Variants in TBC1D8B observed in about 807,000 individuals in gnomAD.
TBC1D8B encodes the protein TBC1 domain family member 8B.
In TBC1D8B, 75 loss-of-function variants were observed where a neutral mutation model predicts 82.9. That is an observed-to-expected ratio of 0.90 (90% CI 0.75 to 1.10). TBC1D8B has a LOEUF of 1.10. Ranked by LOEUF, TBC1D8B falls within the 50% of genes least tolerant of loss-of-function variation. The probability of loss-of-function intolerance (pLI) is 0.00; values close to 1 mark genes in which losing one functional copy is unlikely to be tolerated. For synonymous variants in TBC1D8B, 276 were observed against 276.8 expected (o/e 1.00, Z 0.03); for missense variants, 794 against 796.9 (o/e 1.00, Z 0.04).
chrX:106,861,222 T>C, intron 14 of TBC1D8B, among the ~76,000 whole-genome samples: 1 of 111,646 alleles, frequency 9.0e-6, no homozygotes. Context: ...AAAAGTTCTG[T>C]AGATATCTGT....
intron 1 of TBC1D8B, among the ~76,000 whole-genome samples, chrX:106,818,157 G>A (rs1416895446): frequency 9.0e-6 from 1 of 111,016 alleles, no homozygotes; most frequent in East Asian, 2.8e-4. Context: ...GTGTTTTACT[G>A]TGTGCTAAGC....
chrX:106,860,695 T>C lies in TBC1D8B; in HGVS notation c.2353-4864T>C, dbSNP rs1932766166. Among the ~76,000 whole-genome samples, 4 of 110,998 alleles carry C rather than the reference T, an allele frequency of 3.6e-5. No individual in the cohort carries two copies. In the South Asian group the frequency reaches 1.5e-3, roughly 42 times the overall value. Reference sequence around the variant, plus strand: ...AGCCAACTCATGGATTCATTGATCTTTTGTATGGGTTTTCATGTCTTGATT... The same window carrying C: ...AGCCAACTCATGGATTCATTGATCTCTTGTATGGGTTTTCATGTCTTGATT... On this transcript the variant is annotated intron_variant, in intron 14 of 20. Coordinates refer to ENST00000357242, the MANE Select transcript of TBC1D8B (RefSeq NM_017752.3).
intron 1 of TBC1D8B, 176 bp from the exon 2 acceptor site, chrX:106,818,487 G>T: frequency 3.0e-6 from 1 of 332,557 alleles, no homozygotes; most frequent in Admixed American, 5.5e-5. Context: ...ACTCACATTG[G>T]CATACTGTAA....
intron 7 of TBC1D8B, among the ~76,000 whole-genome samples, chrX:106,837,330 T>C (rs966943333): frequency 3.6e-5 from 4 of 111,905 alleles, no homozygotes; most frequent in African/African-American, 3.2e-5. Context: ...TATGAAGAAC[T>C]CTTACAACTA....
At chrX:106,873,020 T>A (rs1471054237) in intron 20 of TBC1D8B, among the ~76,000 whole-genome samples, 3 of 111,766 alleles carry the variant, frequency 2.7e-5, no homozygotes, top group Non-Finnish European at 5.6e-5. Context: ...AGGCAAACAG[T>A]CCAGGAATTA....
At chrX:106,821,116 G>A in intron 3 of TBC1D8B, 121 bp downstream of exon 3, 1 of 404,396 alleles carries the variant, frequency 2.5e-6, no homozygotes, top group Non-Finnish European at 4.3e-6. Flanking sequence ...TGGTAGAAAC[G>A]AACATATGAA....
intron 1 of TBC1D8B, among the ~76,000 whole-genome samples, chrX:106,811,781 T>C (rs1213832649): frequency 9.0e-6 from 1 of 111,712 alleles, no homozygotes; most frequent in Admixed American, 9.5e-5. Flanking sequence ...GGTGTATAGG[T>C]CTTGAAGAGT....
intron 20 of TBC1D8B, 21 bp downstream of exon 20, chrX:106,870,834 A>G (rs1047536593): frequency 4.5e-6 from 5 of 1,104,849 alleles, no homozygotes; most frequent in Non-Finnish European, 6.2e-6. Context: ...TTTAAAAAGA[A>G]AATTCTAAGT....
chrX:106,827,926 G>T (rs1029689295), intron 7 of TBC1D8B: 1 of 108,938 alleles, frequency 9.2e-6, no homozygotes, highest in African/African-American at 3.3e-5. Context: ...CAGAAGGCAA[G>T]AAATAACTAA....
At chrX:106,872,455 T>TTATATATATATATATATATATA (rs61326496) in intron 20 of TBC1D8B, among the ~76,000 whole-genome samples, 44 of 73,282 alleles carry the variant, frequency 6.0e-4, no homozygotes, top group African/African-American at 2.5e-3. Context: ...AGAAAAATAT[T>TTATATATATATATATATATATA]TATATATATA....
intron 7 of TBC1D8B, among the ~76,000 whole-genome samples, chrX:106,831,010 A>G (rs1309347486): frequency 9.0e-6 from 1 of 110,580 alleles, no homozygotes; most frequent in African/African-American, 3.3e-5. Flanking sequence ...GAGGATTTTG[A>G]TGTTTAATAT....
chrX:106,807,835 T>C (rs1037972006), intron 1 of TBC1D8B, among the ~76,000 whole-genome samples: 6 of 111,048 alleles, frequency 5.4e-5, no homozygotes, highest in African/African-American at 2.0e-4. Flanking sequence ...GGCGGATCAT[T>C]TGAGGTCAGG....
chrX:106,815,578 G>A (rs1243754065), intron 1 of TBC1D8B: 2 of 110,350 alleles, frequency 1.8e-5, no homozygotes, highest in African/African-American at 6.6e-5. Flanking sequence ...TTCCAATTCT[G>A]TGAAGAAAGT....
chrX:106,854,327 T>G, intron 14 of TBC1D8B, 31 bp downstream of exon 14: 1 of 993,090 alleles, frequency 1.0e-6, no homozygotes, highest in Non-Finnish European at 1.4e-6. Context: ...GAAAAACCAG[T>G]TGGAGTAATT....
intron 1 of TBC1D8B, among the ~76,000 whole-genome samples, chrX:106,803,435 G>C (rs1398589099): frequency 5.6e-5 from 2 of 35,656 alleles, no homozygotes; most frequent in Non-Finnish European, 1.0e-4. Flanking sequence ...ACGCGGGGAT[G>C]GTGAGGAGAA....
intron 1 of TBC1D8B, among the ~76,000 whole-genome samples, chrX:106,810,735 C>T (rs772047206): frequency 1.3e-4 from 15 of 111,957 alleles, no homozygotes; most frequent in Non-Finnish European, 2.1e-4. Flanking sequence ...AGGAAAATCA[C>T]GTAGAGCAAC....
At position 106,840,731 on chromosome X, in the gene TBC1D8B, A is replaced by G. The variant is rs1195294569; in HGVS notation, c.1566A>G (p.Leu522=). ...ATACTGAAGTGGTTGAGCAGTCCTT[A>G]GGGACCTGCAACTTGGCTACTGAAG... ...DYYTEVVEQS[L]GTCNLATEEI... The change falls in exon 10 of 21, where the codon TTA becomes TTG. Residue 522 remains leucine (L), a synonymous_variant. Coordinates refer to ENST00000357242, the MANE Select transcript of TBC1D8B (RefSeq NM_017752.3). The G allele has an allele frequency of 8.3e-7, 1 of 1,211,429 alleles. No individual in the cohort carries two copies. The highest frequency in any genetic ancestry group is 1.7e-5 in the African/African-American group (1 of 57,807).
chrX:106,824,558 G>T (rs1465203876), intron 5 of TBC1D8B, among the ~76,000 whole-genome samples: 2 of 111,380 alleles, frequency 1.8e-5, no homozygotes, highest in Non-Finnish European at 3.8e-5. Context: ...AATCCTGTTT[G>T]TATTATATTA....
In TBC1D8B at chrX:106,848,301, T is replaced by C. The variant is rs1354799728; in HGVS notation, c.1835T>C (p.Ile612Thr). 5.2e-6 allele frequency: 6 copies of C among 1,164,926 alleles called. No homozygotes were observed. The African/African-American group carries it at 5.3e-5, about 10-fold the overall frequency. ...MLPDYFNRRIIGALVDQAVFE... is the reference protein window; with the variant it reads ...MLPDYFNRRITGALVDQAVFE... ...CCTGATTATTTTAATCGTCGAATTA[T>C]TGGTAAAAGAAAAACCACACACACA... Residue 612 changes from isoleucine (I) to threonine (T), a missense_variant and splice_region_variant, in exon 11 of 21, where the codon ATT becomes ACT. Coordinates refer to ENST00000357242, the MANE Select transcript of TBC1D8B (RefSeq NM_017752.3).
Sources: allele counts gnomAD v4.1 joint callset (sites outside exome capture counted in the v4.1 genomes callset), GRCh38; gene constraint gnomAD v4.1.1; transcripts MANE v1.5; gene names NCBI Gene and HGNC (gene_info 2026-07-23, HGNC 2026-07-21).